PADI1: variants seen among roughly 807,000 people sequenced by gnomAD.
PADI1 encodes the protein protein-arginine deiminase type-1.
In PADI1, 65 loss-of-function variants were observed where a neutral mutation model predicts 74.8. The ratio of observed to expected loss-of-function variants is 0.87; its 90% CI spans 0.71 to 1.07. The LOEUF is 1.07. Ranked by LOEUF, PADI1 falls within the 50% of genes least tolerant of loss-of-function variation. The pLI is 0.00. For synonymous variants in PADI1, 371 were observed against 336.2 expected (o/e 1.10, Z -1.13); for missense variants, 943 against 854.0 (o/e 1.10, Z -1.30).
intron 10 of PADI1, among the ~76,000 whole-genome samples, 155 bp from the exon 11 acceptor site, chr1:17,232,664 G>A (rs2072519997): frequency 6.6e-6 from 1 of 152,156 alleles, no homozygotes; most frequent in Non-Finnish European, 1.5e-5. Context: ...GAGCCCAGGG[G>A]GGATTTGTAA....
chr1:17,222,287 C>A lies in PADI1; in HGVS notation c.93-3C>A. 6.2e-7 allele frequency: 1 copy of A among 1,612,052 alleles called. No individual in the cohort carries two copies. The highest frequency in any genetic ancestry group is 8.5e-7 in the Non-Finnish European group (1 of 1,178,180). On this transcript the variant is annotated splice_region_variant and splice_polypyrimidine_tract_variant and intron_variant, in intron 1 of 15. Coordinates refer to ENST00000375471, the MANE Select transcript of PADI1 (RefSeq NM_013358.3). ...TTCTCTTCCCATCTCTCTTCTCTGCCAGTGATGTGCCCAAGGGTGCCAACA... is the reference window on the plus strand; with the variant it reads ...TTCTCTTCCCATCTCTCTTCTCTGCAAGTGATGTGCCCAAGGGTGCCAACA...
chr1:17,215,150 C>A (rs556356691), intron 1 of PADI1, among the ~76,000 whole-genome samples: 8 of 152,094 alleles, frequency 5.3e-5, no homozygotes, highest in Admixed American at 5.2e-4. Context: ...AGCCACATTT[C>A]CCCCAAGGCC....
rs757874221 is a variant in PADI1 at position 17,230,076 on chromosome 1, C to T, written c.930-9C>T. 1.9e-6 allele frequency: 3 copies of T among 1,612,468 alleles called. No homozygotes were observed. The highest frequency in any genetic ancestry group is 1.7e-6 in the Non-Finnish European group (2 of 1,179,026). Reference sequence around the variant, plus strand: ...CATTAGCATGCTCCCCTCTCCCTACCTTTTACAGAGTGATGGACACTCATG... The same window carrying T: ...CATTAGCATGCTCCCCTCTCCCTACTTTTTACAGAGTGATGGACACTCATG... On this transcript the variant is annotated splice_polypyrimidine_tract_variant and intron_variant, in intron 8 of 15. Transcript: ENST00000375471.
chr1:17,243,606 C>T (rs1210570013), intron 15 of PADI1, among the ~76,000 whole-genome samples: 1 of 152,232 alleles, frequency 6.6e-6, no homozygotes, highest in Non-Finnish European at 1.5e-5. Flanking sequence ...CTTTGGAAGA[C>T]ATCCACACCA....
chr1:17,228,907 G>C (rs1180648532), intron 7 of PADI1, 41 bp from the exon 8 acceptor site: 2 of 1,569,128 alleles, frequency 1.3e-6, no homozygotes, highest in Admixed American at 1.7e-5. Flanking sequence ...GGCAGGCTAG[G>C]GGTCCCTGCA....
chr1:17,210,533 G>A (rs2071807225), intron 1 of PADI1, among the ~76,000 whole-genome samples: 2 of 152,088 alleles, frequency 1.3e-5, no homozygotes, highest in South Asian at 2.1e-4. Context: ...GCTGGGCAGA[G>A]CTCCACTTGG....
chr1:17,240,038 A>T, intron 14 of PADI1: 1 of 468,262 alleles, frequency 2.1e-6, no homozygotes, highest in South Asian at 2.9e-5. Context: ...ACCTATTTTC[A>T]CAGAAGCAAA....
chr1:17,237,539 A>G, intron 12 of PADI1, 81 bp downstream of exon 12: 3 of 1,374,038 alleles, frequency 2.2e-6, no homozygotes, highest in Non-Finnish European at 3.0e-6. Context: ...GCCATCTGGA[A>G]CCAGCTCAAC....
chr1:17,226,968 C>T (rs1245397189), intron 6 of PADI1, among the ~76,000 whole-genome samples: 1 of 151,196 alleles, frequency 6.6e-6, no homozygotes, highest in African/African-American at 2.4e-5. Flanking sequence ...AGAGGTGGAG[C>T]TTGCAGTGAG....
In PADI1 at chr1:17,222,246, G is replaced by C. The variant is rs1298953413; in HGVS notation, c.93-44G>C. ...CCCACTGTGGCCACTCCCCTGAAGA[G>C]AGATGGGAAGACTGGTTCTCTTCCC... On this transcript the variant is annotated intron_variant, in intron 1 of 15. Transcript: ENST00000375471. 4.7e-6 allele frequency: 7 copies of C among 1,497,946 alleles called. 1 individual carries two copies. In the East Asian group the frequency reaches 9.0e-5, roughly 19 times the overall value. 92.8% of individuals were successfully genotyped at this position (1,497,946 alleles called of 1,614,324 possible).
chr1:17,205,903 A>G (rs1460848339), intron 1 of PADI1, among the ~76,000 whole-genome samples: 1 of 152,182 alleles, frequency 6.6e-6, no homozygotes, highest in East Asian at 1.9e-4. Flanking sequence ...GGTGATGAAC[A>G]GTGATGATGG....
chr1:17,233,663 G>A (rs750563858), intron 11 of PADI1, among the ~76,000 whole-genome samples: 2 of 152,266 alleles, frequency 1.3e-5, no homozygotes, highest in Non-Finnish European at 2.9e-5. Flanking sequence ...TTCCTCCCTG[G>A]AGATGACACC....
At chr1:17,234,101 G>C (rs2072571346) in intron 11 of PADI1, among the ~76,000 whole-genome samples, 2 of 152,334 alleles carry the variant, frequency 1.3e-5, no homozygotes, top group East Asian at 3.9e-4. Context: ...AGATGGACTT[G>C]GGTTTGAGTC....
chr1:17,240,539 G>A lies in PADI1; in HGVS notation c.1633-96G>A. 3 of 1,382,160 alleles carry A rather than the reference G, an allele frequency of 2.2e-6. No individual in the cohort carries two copies. The South Asian group carries it at 4.0e-5, about 18-fold the overall frequency. The allele number at this position is 1,382,160 out of a possible 1,614,324, so 85.6% of individuals were successfully genotyped here. A position where few individuals can be genotyped will look rare whatever the true frequency, so the allele number is the denominator to read the frequency against. On this transcript the variant is annotated intron_variant, in intron 14 of 15. Coordinates refer to ENST00000375471, the MANE Select transcript of PADI1 (RefSeq NM_013358.3). ...TTGTGAGGCTTGAAGGAGCTAGCGGGCCCAGAGGGCTCCACACGGGCCCAG... is the reference window on the plus strand; with the variant it reads ...TTGTGAGGCTTGAAGGAGCTAGCGGACCCAGAGGGCTCCACACGGGCCCAG...
intron 6 of PADI1, among the ~76,000 whole-genome samples, chr1:17,226,926 C>T (rs1166823768): frequency 3.3e-5 from 5 of 151,996 alleles, no homozygotes; most frequent in African/African-American, 4.8e-5. Context: ...CGGCAGGTGC[C>T]TGTAGTCCCA....
At position 17,224,447 on chromosome 1, in the gene PADI1, C is replaced by T. The variant is rs1208383262; in HGVS notation, c.408+19C>T. ...GGACAAGGTGAGACCCTTCCGGGCA[C>T]CCCAAGGCTGCGGGGTTGAAAGGCA... is the stretch of plus-strand genomic sequence containing the variant. On this transcript the variant is annotated intron_variant, in intron 4 of 15. Coordinates refer to ENST00000375471, the MANE Select transcript of PADI1 (RefSeq NM_013358.3). 2 of 1,606,634 alleles carry T rather than the reference C, an allele frequency of 1.2e-6. No homozygotes were observed. Among genetic ancestry groups the T allele is most frequent in the South Asian group, 1.1e-5 (1 of 90,234 alleles).
Position 17,223,654 on chromosome 1 carries a change from CA to C in PADI1, c.309del (p.Ala104LeufsTer26). The C allele has an allele frequency of 6.2e-7, 1 of 1,614,102 alleles. No homozygotes were observed. Among genetic ancestry groups the C allele is most frequent in the East Asian group, 2.2e-5 (1 of 44,882 alleles). On this transcript the variant is annotated frameshift_variant, in exon 3 of 16. Transcript: ENST00000375471. LOFTEE classifies it high-confidence loss of function. ...RVSYFGEQEDQALGRSVLYLT... is the reference protein window; with the variant it reads ...RVSYFGEQEDXALGRSVLYLT... ...CTCCTACTTTGGGGAGCAGGAAGAC[CA>C]AGCTCTGGGCCGCAGCGTGCTTTAC...
Position 17,225,817 on chromosome 1 carries a change from T to C in PADI1, c.415T>C (p.Trp139Arg). The change falls in exon 5 of 16, where the codon TGG becomes CGG. Residue 139 changes from tryptophan (W) to arginine (R), a missense_variant. Coordinates refer to ENST00000375471, the MANE Select transcript of PADI1 (RefSeq NM_013358.3). ...GCATCTTATTTTGCCACAGAAAACC[T>C]GGCGCTGGGGCCCTGAGGGCTATGG... ...VKRSQGDKKT[W>R]RWGPEGYGAI... The C allele has an allele frequency of 1.2e-6, 2 of 1,613,680 alleles. No individual in the cohort carries two copies. The highest frequency in any genetic ancestry group is 8.5e-7 in the Non-Finnish European group (1 of 1,179,632).
At chr1:17,224,166 G>A (rs1223114334) in intron 3 of PADI1, among the ~76,000 whole-genome samples, 1 of 152,118 alleles carries the variant, frequency 6.6e-6, no homozygotes, top group Non-Finnish European at 1.5e-5. Context: ...AGTGATTCAA[G>A]AGCCAAAGGC....
Sources: allele counts gnomAD v4.1 joint callset (sites outside exome capture counted in the v4.1 genomes callset), GRCh38; gene constraint gnomAD v4.1.1; transcripts MANE v1.5; gene names NCBI Gene and HGNC (gene_info 2026-07-23, HGNC 2026-07-21).